ANO4: variants seen among roughly 807,000 people sequenced by gnomAD.
ANO4 encodes the protein anoctamin-4.
A neutral mutation model predicts 141.9 loss-of-function variants in ANO4; 69 were observed. That is an observed-to-expected ratio of 0.49 (90% CI 0.40 to 0.59). The LOEUF is 0.59. ANO4 is among the 20% of genes least tolerant of loss of function. The pLI is 0.00. For missense variants in ANO4, 894 were observed against 1,162.2 expected (o/e 0.77, Z 3.36); for synonymous variants, 350 against 394.3 (o/e 0.89, Z 1.33).
At chr12:100,830,267 G>A (rs184572915) in intron 1 of ANO4, among the ~76,000 whole-genome samples, 3 of 152,094 alleles carry the variant, frequency 2.0e-5, no homozygotes, top group Admixed American at 2.0e-4. Flanking sequence ...TAAGGGGCCC[G>A]AGATGCTGTA....
intron 3 of ANO4, among the ~76,000 whole-genome samples, chr12:100,925,362 G>A (rs1003902199): frequency 6.6e-6 from 1 of 151,938 alleles, no homozygotes; most frequent in African/African-American, 2.4e-5. Context: ...AGTGTGTGAT[G>A]TTCCCCTCCC....
chr12:101,077,868 A>T (rs1335678872), intron 14 of ANO4, among the ~76,000 whole-genome samples: 1 of 152,144 alleles, frequency 6.6e-6, no homozygotes, highest in Non-Finnish European at 1.5e-5. Flanking sequence ...CAGATAAGGG[A>T]TTGTGGACCT....
intron 3 of ANO4, among the ~76,000 whole-genome samples, chr12:100,744,539 A>G (rs140157729): frequency 2.7e-3 from 415 of 152,166 alleles, no homozygotes; most frequent in African/African-American, 4.5e-3. Context: ...ATCACCTCCC[A>G]AAGTCCCTAC....
At position 101,054,595 on chromosome 12, in the gene ANO4, C is replaced by G. The variant is rs562100498; in HGVS notation, c.1312+6194C>G. 6.6e-5 allele frequency among the ~76,000 whole-genome samples: 10 copies of G among 152,280 alleles called. No individual in the cohort carries two copies. The East Asian group carries it at 1.2e-3, about 18-fold the overall frequency. On this transcript the variant is annotated intron_variant, in intron 14 of 27. Coordinates refer to ENST00000392977, the MANE Select transcript of ANO4 (RefSeq NM_001286615.2). Reference sequence around the variant, plus strand: ...GCTCATTGCAAGCTCCGCCTCCCGGCTTCACGCCATTCTCCTGCGTCAGCC... The same window carrying G: ...GCTCATTGCAAGCTCCGCCTCCCGGGTTCACGCCATTCTCCTGCGTCAGCC...
chr12:101,072,107 A>G (rs994461366), intron 14 of ANO4, among the ~76,000 whole-genome samples: 1 of 152,184 alleles, frequency 6.6e-6, no homozygotes, highest in Non-Finnish European at 1.5e-5. Flanking sequence ...GGTGTTTGAT[A>G]GAGCCCAGTC....
intron 5 of ANO4, among the ~76,000 whole-genome samples, chr12:100,963,060 G>A (rs746793659): frequency 6.6e-6 from 1 of 152,136 alleles, no homozygotes; most frequent in Non-Finnish European, 1.5e-5. Context: ...CCTGGTCTGG[G>A]GACACTGAGA....
intron 3 of ANO4, among the ~76,000 whole-genome samples, chr12:100,759,510 G>A (rs942902691): frequency 6.6e-6 from 1 of 152,056 alleles, no homozygotes; most frequent in Non-Finnish European, 1.5e-5. Context: ...TAGCTTCTAG[G>A]GTTATGTGGT....
intron 2 of ANO4, among the ~76,000 whole-genome samples, chr12:100,912,410 G>GAAAAAAA (rs1232614824): frequency 2.0e-5 from 1 of 49,394 alleles, no homozygotes; most frequent in Admixed American, 2.4e-4. Context: ...AAAAAAAAAA[G>GAAAAAAA]AAAAAAGAAA....
intron 5 of ANO4, among the ~76,000 whole-genome samples, chr12:100,963,310 A>G (rs983452825): frequency 2.6e-5 from 4 of 152,202 alleles, no homozygotes; most frequent in African/African-American, 7.2e-5. Context: ...TAGAGCCTGG[A>G]TGAAGTCCTC....
At chr12:100,812,478 A>G (rs1019259815) in intron 1 of ANO4, among the ~76,000 whole-genome samples, 28 of 152,298 alleles carry the variant, frequency 1.8e-4, no homozygotes, top group African/African-American at 6.5e-4. Context: ...ATGTATATAT[A>G]TATTACCTTA....
intron 3 of ANO4, among the ~76,000 whole-genome samples, chr12:100,758,824 T>C (rs2032730009): frequency 6.6e-6 from 1 of 152,172 alleles, no homozygotes; most frequent in South Asian, 2.1e-4. Context: ...CTGTTCCAGC[T>C]TCTGGTGACT....
intron 14 of ANO4, among the ~76,000 whole-genome samples, chr12:101,064,864 G>C (rs1051500913): frequency 1.3e-5 from 2 of 152,018 alleles, no homozygotes; most frequent in African/African-American, 2.4e-5. Context: ...ACATTGTCCT[G>C]CTCCCTCCCA....
chr12:101,113,720 G>A (rs2137027493), intron 24 of ANO4, among the ~76,000 whole-genome samples: 1 of 152,240 alleles, frequency 6.6e-6, no homozygotes, highest in African/African-American at 2.4e-5. Flanking sequence ...GGTATAGAAA[G>A]TCATAAGCCT....
At chr12:100,931,085 G>C (rs577259595) in intron 3 of ANO4, among the ~76,000 whole-genome samples, 2 of 151,876 alleles carry the variant, frequency 1.3e-5, no homozygotes, top group Non-Finnish European at 2.9e-5. Flanking sequence ...TTTTCTTATT[G>C]GTAAACCAGG....
intron 1 of ANO4, among the ~76,000 whole-genome samples, chr12:100,846,572 A>G (rs1554074): frequency 0.83 from 125,988 of 152,050 alleles, 52,235 homozygotes; most frequent in Admixed American, 0.87. Flanking sequence ...ATCTAGTGCC[A>G]CAGACAGCTG....
intron 1 of ANO4, among the ~76,000 whole-genome samples, chr12:100,819,068 T>G: frequency 6.6e-6 from 1 of 151,180 alleles, no homozygotes; most frequent in South Asian, 2.1e-4. Flanking sequence ...TATGTATGTG[T>G]GTATATATAT....
rs966352197 is a variant in ANO4 at position 101,040,147 on chromosome 12, G to A, written c.1019+71G>A. On this transcript the variant is annotated intron_variant, in intron 11 of 27. Coordinates refer to ENST00000392977, the MANE Select transcript of ANO4 (RefSeq NM_001286615.2). ...TAGGGCAGACTGTCAGCTGGGACAA[G>A]CTCCCAATGAAGCAAAAAGAGCCTG... 4.7e-6 allele frequency: 7 copies of A among 1,495,284 alleles called. No homozygotes were observed. In the African/African-American group the frequency reaches 9.7e-5, roughly 21 times the overall value. The allele number at this position is 1,495,284 out of a possible 1,614,324, so 92.6% of individuals were successfully genotyped here.
chr12:100,820,289 C>G (rs997677167), intron 1 of ANO4, among the ~76,000 whole-genome samples: 1 of 149,142 alleles, frequency 6.7e-6, no homozygotes, highest in African/African-American at 2.5e-5. Context: ...CTCTTTCAAA[C>G]AGTTAATTTA....
chr12:100,858,872 T>A (rs1377591062), intron 1 of ANO4, among the ~76,000 whole-genome samples: 1 of 152,070 alleles, frequency 6.6e-6, no homozygotes, highest in Non-Finnish European at 1.5e-5. Flanking sequence ...GACTCAAACA[T>A]ATATTGGAAG....
Sources: gnomAD v4.1 joint callset for allele counts (sites outside exome capture counted in the v4.1 genomes callset) on GRCh38, gnomAD v4.1.1 for gene constraint, MANE v1.5 for transcripts, NCBI Gene and HGNC (gene_info 2026-07-23, HGNC 2026-07-21) for gene names.